TRPM1: variants seen among roughly 807,000 people sequenced by gnomAD.
The protein encoded by TRPM1 is TRPM1-203 APA Isoform, Intron 10.
TRPM1 carries 113 observed loss-of-function variants against 149.4 expected under a neutral mutation model. That is an observed-to-expected ratio of 0.76 (90% confidence interval 0.65 to 0.88). The LOEUF is 0.88. Among genes scored for constraint, TRPM1 ranks in the 40% least tolerant of loss-of-function variants. The probability of loss-of-function intolerance (pLI) is 0.00; values close to 1 mark genes in which losing one functional copy is unlikely to be tolerated. For synonymous variants in TRPM1, 741 were observed against 759.5 expected (o/e 0.98, Z 0.40); for missense variants, 1,976 against 2,038.7 (o/e 0.97, Z 0.59).
rs1183339720 is a variant in TRPM1 at position 31,038,095 on chromosome 15, A to T, written c.2388T>A (p.Tyr796Ter). 1 of 1,614,038 alleles carries T rather than the reference A, an allele frequency of 6.2e-7. No homozygotes were observed. The highest frequency in any genetic ancestry group is 8.5e-7 in the Non-Finnish European group (1 of 1,180,014). Reference protein sequence around the residue: ...LEFRTYDDFSYQTSKENEDGK... With the variant: ...LEFRTYDDFS ...CATCCTCATTTTCCTTGGATGTTTG[A>T]TACGAGAAATCATCATATGTGCGAA... is the stretch of plus-strand genomic sequence containing the variant. Residue 796 changes from tyrosine to a stop codon, truncating the protein, a stop_gained, in exon 19 of 28, where the codon TAT becomes TAA. Coordinates refer to ENST00000256552, the MANE Select transcript of TRPM1 (RefSeq NM_001252024.2). LOFTEE classifies it high-confidence loss of function.
chr15:31,114,862 CAAA>C (rs1255516656), intron 1 of TRPM1, among the ~76,000 whole-genome samples: 1 of 151,994 alleles, frequency 6.6e-6, no homozygotes, highest in Non-Finnish European at 1.5e-5. Flanking sequence ...AAGCATAGCA[CAAA>C]AAAGAGTAAA....
At chr15:31,123,605 G>C (rs1211008273) in intron 1 of TRPM1, among the ~76,000 whole-genome samples, 1 of 152,102 alleles carries the variant, frequency 6.6e-6, no homozygotes, top group Non-Finnish European at 1.5e-5. Flanking sequence ...CAGGAATAGT[G>C]GGAATTGTAA....
At chr15:31,161,068 G>A (rs911907646) in exon 1 of TRPM1, 61 of 1,139,712 alleles carry the variant, frequency 5.4e-5, no homozygotes, top group South Asian at 2.6e-4. Flanking sequence ...CACACTCGGC[G>A]GCAGCCCCAC....
Position 31,032,897 on chromosome 15 carries a change from A to T in TRPM1, c.2744T>A (p.Val915Asp). ...GATGTTCCAGTACTCCTGAAGCCAA[A>T]CTTTGATTTTCTGGCTGAGTTTGCC... is the stretch of plus-strand genomic sequence containing the variant. The part of the protein sequence containing the change: ...EPGKLSQKIK[V>D]WLQEYWNITD... Residue 915 changes from valine (V) to aspartate (D), a missense_variant, in exon 22 of 28, where the codon GTT becomes GAT. Val to Asp is a radical substitution (Grantham distance 152). Coordinates refer to ENST00000256552, the MANE Select transcript of TRPM1 (RefSeq NM_001252024.2). The T allele has an allele frequency of 6.2e-7, 1 of 1,614,216 alleles. No homozygotes were observed. The highest frequency in any genetic ancestry group is 8.5e-7 in the Non-Finnish European group (1 of 1,180,040).
chr15:31,088,902 C>T (rs1240353529), intron 1 of TRPM1, among the ~76,000 whole-genome samples: 1 of 152,138 alleles, frequency 6.6e-6, no homozygotes, highest in African/African-American at 2.4e-5. Context: ...TCAGTGTTTG[C>T]CTACCAGAAG....
intron 3 of TRPM1, among the ~76,000 whole-genome samples, chr15:31,073,857 T>A (rs1413216905): frequency 6.6e-6 from 1 of 152,126 alleles, no homozygotes; most frequent in Non-Finnish European, 1.5e-5. Flanking sequence ...CTGTTCTTTA[T>A]CGGGTTGAGG....
At position 31,067,127 on chromosome 15, in the gene TRPM1, A is replaced by AC; in HGVS notation, c.553dup (p.Val185GlyfsTer15). The AC allele has an allele frequency of 6.2e-7, 1 of 1,613,970 alleles. No individual in the cohort carries two copies. The highest frequency in any genetic ancestry group is 1.1e-5 in the South Asian group (1 of 91,034). On this transcript the variant is annotated frameshift_variant, in exon 6 of 28. Transcript: ENST00000256552. LOFTEE classifies it high-confidence loss of function. ...CCATGGAGCAATTCCTATAGCACAA[A>AC]CCCGGCCTCTGGACTTGGAGGAGTG... is the stretch of plus-strand genomic sequence containing the variant.
chr15:31,088,473 A>G (rs1009288555), intron 1 of TRPM1, among the ~76,000 whole-genome samples: 1 of 152,214 alleles, frequency 6.6e-6, no homozygotes, highest in African/African-American at 2.4e-5. Context: ...TCACTCCTGA[A>G]GTCAGCAAGC....
In TRPM1 at chr15:31,145,936, C is replaced by A. The variant is rs951223724; in HGVS notation, c.54+14970G>T. ...AGCAGATACAAAAAAAAAACAAAAA[C>A]AAAAACGCAAAAAACATCTCATAAT... On this transcript the variant is annotated intron_variant, in intron 1 of 26. Transcript: ENST00000542188. 1.9e-3 allele frequency among the ~76,000 whole-genome samples: 281 copies of A among 150,014 alleles called. 1 individual carries two copies. The highest frequency in any genetic ancestry group is 6.2e-3 in the African/African-American group (249 of 40,334).
chr15:31,106,308 T>C (rs1246987568), upstream of TRPM1, among the ~76,000 whole-genome samples: 1 of 132,230 alleles, frequency 7.6e-6, no homozygotes, highest in Non-Finnish European at 1.7e-5. Flanking sequence ...CTGGCTAATT[T>C]TGTATTTTTA....
intron 1 of TRPM1, among the ~76,000 whole-genome samples, chr15:31,149,859 A>G (rs2036276082): frequency 3.3e-5 from 5 of 152,214 alleles, no homozygotes; most frequent in African/African-American, 1.2e-4. Context: ...ACATTCTGCC[A>G]ATTTCTTCAA....
chr15:31,095,003 T>C lies in TRPM1; in HGVS notation c.-84+6654A>G, dbSNP rs1236878113. Among the ~76,000 whole-genome samples, 3 of 152,272 alleles carry C rather than the reference T, an allele frequency of 2.0e-5. No homozygotes were observed. In the South Asian group the frequency reaches 6.2e-4, roughly 32 times the overall value. On this transcript the variant is annotated intron_variant, in intron 1 of 27. Transcript: ENST00000256552. ...ATAGATGGATAAACAAATTGTGGTA[T>C]ATGTTATACAAACAAAAGAATATTA...
chr15:31,127,131 T>G lies in TRPM1; in HGVS notation c.54+33775A>C, dbSNP rs36114854. ...AAGCTGGTTTGTGAAGGCCCCAGGCTGAAGTCTTGAGATTTCTCATTCCTT... is the reference window on the plus strand; with the variant it reads ...AAGCTGGTTTGTGAAGGCCCCAGGCGGAAGTCTTGAGATTTCTCATTCCTT... On this transcript the variant is annotated intron_variant, in intron 1 of 26. Coordinates refer to the TRPM1 transcript ENST00000542188. Among the ~76,000 whole-genome samples, 617 of 152,370 alleles carry G rather than the reference T, an allele frequency of 4.0e-3. 24 individuals carry two copies. Among genetic ancestry groups the G allele is most frequent in the Admixed American group, 0.035 (543 of 15,304 alleles).
intron 20 of TRPM1, chr15:31,036,119 G>C (rs1471327376): frequency 6.6e-6 from 2 of 304,658 alleles, no homozygotes; most frequent in African/African-American, 4.4e-5. Context: ...TGGATGAGTT[G>C]CCCACCCAGA....
rs766732844 is a variant in TRPM1, at chr15:31,060,664, G to A, written c.1163-20C>T. The A allele has an allele frequency of 9.3e-6, 15 of 1,609,318 alleles. No individual in the cohort carries two copies. The highest frequency in any genetic ancestry group is 1.7e-5 in the Admixed American group (1 of 59,846). ...TTGTTCCTGGAAAGGCAAGAAACCG[G>A]AATGATTTTTCACTCCACGCCTGGA... On this transcript the variant is annotated intron_variant, in intron 10 of 27. Transcript: ENST00000256552.
rs1417975117 is a variant in TRPM1 at position 31,047,906 on chromosome 15, C to T, written c.1606G>A (p.Val536Met). ...LGPPNTLHLL[V>M]RDVKKSNLPP... ...AGACTGACCTTTTTCACATCCCTCA[C>T]CAGCAGATGAAGTGTGTTTGGTGGA... Residue 536 changes from valine (V) to methionine (M), a missense_variant, in exon 14 of 28, where the codon GTG becomes ATG. Val to Met is a conservative substitution (Grantham distance 21). Around this residue, in one of 3 missense-constraint regions of TRPM1, gnomAD observed 1,332 missense variants for 1,347.1 expected, o/e 0.99. Transcript: ENST00000256552. 3.7e-6 allele frequency: 6 copies of T among 1,613,808 alleles called. No homozygotes were observed. Among genetic ancestry groups the T allele is most frequent in the Admixed American group, 1.7e-5 (1 of 60,026 alleles).
At chr15:31,033,047 C>G in intron 21 of TRPM1, 107 bp from the exon 22 acceptor site, 1 of 1,498,724 alleles carries the variant, frequency 6.7e-7, no homozygotes, top group East Asian at 2.3e-5. Flanking sequence ...CATCTGGCCC[C>G]TTTCCTACTC....
At chr15:31,111,426 C>T (rs892423719) in intron 1 of TRPM1, among the ~76,000 whole-genome samples, 2 of 152,200 alleles carry the variant, frequency 1.3e-5, no homozygotes, top group Non-Finnish European at 2.9e-5. Flanking sequence ...GCAAAATTCC[C>T]AAAATGTGGG....
chr15:31,070,249 G>A (rs745979156), intron 3 of TRPM1, 23 bp from the exon 4 acceptor site: 41 of 1,596,956 alleles, frequency 2.6e-5, no homozygotes, highest in Non-Finnish European at 3.3e-5. Flanking sequence ...GCAAAGCAGG[G>A]TCTTTCTACA....
Sources: allele counts gnomAD v4.1 joint callset (sites outside exome capture counted in the v4.1 genomes callset), GRCh38; gene constraint gnomAD v4.1.1; regional missense constraint gnomAD v4.1.1; transcripts MANE v1.5; gene names NCBI Gene and HGNC (gene_info 2026-07-23, HGNC 2026-07-21).